The following SRGAP2 variants were observed in gnomAD, a reference collection of about 807,000 sequenced individuals.
SRGAP2 encodes SLIT-ROBO Rho GTPase activating protein 2.
In SRGAP2, 15 loss-of-function variants were observed where a neutral mutation model predicts 57.2. The ratio of observed to expected loss-of-function variants is 0.26; its 90% CI spans 0.18 to 0.40. The LOEUF is 0.40. SRGAP2 is among the 10% of genes least tolerant of loss of function. The pLI is 1.00. For missense variants in SRGAP2, 520 were observed against 669.6 expected (o/e 0.78, Z 2.47); for synonymous variants, 249 against 248.0 (o/e 1.00, Z -0.04).
At chr1:206,292,395 T>A (rs1224826896) in intron 2 of SRGAP2, among the ~76,000 whole-genome samples, 1 of 152,088 alleles carries the variant, frequency 6.6e-6, no homozygotes, top group African/African-American at 2.4e-5. Flanking sequence ...CAATGCACTG[T>A]CAGGCTGGTG....
At position 206,226,450 on chromosome 1, in the gene SRGAP2, C is replaced by T. The variant is rs1667278559; in HGVS notation, c.67+20413C>T. Reference sequence around the variant, plus strand: ...ACAGTTTGGTAGAAAAAAGACCACTCAGCTGGAGGTCAGAGGCTTGGGTAC... The same window carrying T: ...ACAGTTTGGTAGAAAAAAGACCACTTAGCTGGAGGTCAGAGGCTTGGGTAC... On this transcript the variant is annotated intron_variant, in intron 2 of 22. Coordinates refer to ENST00000573034, the MANE Select transcript of SRGAP2 (RefSeq NM_015326.5). Among the ~76,000 whole-genome samples, 5 of 151,764 alleles carry T rather than the reference C, an allele frequency of 3.3e-5. No homozygotes were observed. In the South Asian group the frequency reaches 8.3e-4, roughly 25 times the overall value.
At chr1:206,226,851 G>A (rs1318705530) in intron 2 of SRGAP2, among the ~76,000 whole-genome samples, 1 of 152,070 alleles carries the variant, frequency 6.6e-6, no homozygotes, top group Non-Finnish European at 1.5e-5. Context: ...AGTTCAGGTT[G>A]CCCTTACACA....
intron 2 of SRGAP2, among the ~76,000 whole-genome samples, chr1:206,245,377 GT>G (rs1329027056): frequency 2.6e-5 from 4 of 151,932 alleles, no homozygotes; most frequent in Admixed American, 2.6e-4. Flanking sequence ...TTTTTTGTGT[GT>G]GTTATTGTTT....
intron 2 of SRGAP2, among the ~76,000 whole-genome samples, chr1:206,238,764 G>T (rs1668032438): frequency 6.6e-6 from 1 of 152,136 alleles, no homozygotes; most frequent in African/African-American, 2.4e-5. Flanking sequence ...GCTGACCTTG[G>T]TAGGTAAAGC....
chr1:206,295,923 A>T (rs1286805013), intron 2 of SRGAP2, among the ~76,000 whole-genome samples: 3 of 150,328 alleles, frequency 2.0e-5, no homozygotes, highest in African/African-American at 7.4e-5. Flanking sequence ...TTTTTTTGAG[A>T]TGAGGTCTTG....
intron 13 of SRGAP2, among the ~76,000 whole-genome samples, chr1:206,427,452 C>T (rs182047709): frequency 4.6e-5 from 7 of 152,262 alleles, no homozygotes; most frequent in Non-Finnish European, 1.0e-4. Context: ...TGGGTCGCTG[C>T]GACCGTCCTG....
chr1:206,455,770 C>T (rs1290024942), intron 21 of SRGAP2: 1 of 152,388 alleles, frequency 6.6e-6, no homozygotes, highest in African/African-American at 2.4e-5. Flanking sequence ...CTCTGACCCC[C>T]AGCTTTCATT....
At chr1:206,301,256 C>T (rs1361795554) in intron 2 of SRGAP2, among the ~76,000 whole-genome samples, 4 of 152,120 alleles carry the variant, frequency 2.6e-5, no homozygotes, top group South Asian at 2.1e-4. Flanking sequence ...AGGATGGTCT[C>T]GATCTCCTGA....
At chr1:206,437,930 CTCTT>C (rs1283239390) in intron 15 of SRGAP2, 30 bp from the exon 16 acceptor site, 5 of 779,640 alleles carry the variant, frequency 6.4e-6, no homozygotes, top group African/African-American at 1.7e-5. Flanking sequence ...CTCTCTCACT[CTCTT>C]TCCTTTTCGT....
intron 3 of SRGAP2, among the ~76,000 whole-genome samples, chr1:206,309,464 CAAAA>C (rs199561904): frequency 1.3e-5 from 1 of 74,630 alleles, no homozygotes; most frequent in Non-Finnish European, 2.9e-5. Flanking sequence ...AAAGTAAGAG[CAAAA>C]AAAAAAAAAA....
At chr1:206,402,326 C>T (rs1553356038) in intron 8 of SRGAP2, among the ~76,000 whole-genome samples, 3 of 151,926 alleles carry the variant, frequency 2.0e-5, no homozygotes, top group Admixed American at 6.6e-5. Flanking sequence ...TTGTTTTGGA[C>T]TCTTAGCCTC....
At chr1:206,285,802 G>A (rs1670991911) in intron 2 of SRGAP2, among the ~76,000 whole-genome samples, 1 of 152,218 alleles carries the variant, frequency 6.6e-6, no homozygotes. Context: ...TGAGTAGCTG[G>A]GCTTACAGGT....
chr1:206,458,845 G>A lies in SRGAP2; in HGVS notation c.2730G>A (p.Leu910=). 1.3e-6 allele frequency: 1 copy of A among 780,704 alleles called. No individual in the cohort carries two copies. 48.4% of individuals were successfully genotyped at this position (780,704 alleles called of 1,614,324 possible). A position where few individuals can be genotyped will look rare whatever the true frequency, so the allele number is the denominator to read the frequency against. ...ACTCCATCAGCCGCCACTCATCCCT[G>A]AAGAATCGGCTGGATAGTCCACAGA... ...SLNSISRHSS[L]KNRLDSPQIR... is the part of the protein sequence containing the mutation. The change falls in exon 22 of 23, where the codon CTG becomes CTA. Residue 910 remains leucine, a synonymous_variant. Coordinates refer to ENST00000573034, the MANE Select transcript of SRGAP2 (RefSeq NM_015326.5).
chr1:206,286,329 T>A (rs2102703021), intron 2 of SRGAP2, among the ~76,000 whole-genome samples: 2 of 152,366 alleles, frequency 1.3e-5, no homozygotes, highest in Non-Finnish European at 2.9e-5. Flanking sequence ...TTTCCTTTTT[T>A]AATTTCTAAA....
intron 2 of SRGAP2, among the ~76,000 whole-genome samples, chr1:206,247,203 T>C (rs1553310213): frequency 2.0e-5 from 3 of 151,874 alleles, no homozygotes; most frequent in Non-Finnish European, 4.4e-5. Context: ...CTTCTACTAC[T>C]TCATACCTTG....
chr1:206,291,323 A>G lies in SRGAP2; in HGVS notation c.68-11958A>G, dbSNP rs1368666902. Among the ~76,000 whole-genome samples the G allele has an allele frequency of 4.1e-3, 624 of 152,280 alleles. 2 individuals carry two copies. The highest frequency in any genetic ancestry group is 0.014 in the African/African-American group (593 of 41,520). On this transcript the variant is annotated intron_variant, in intron 2 of 22. Transcript: ENST00000573034. ...GAACCTCAGTGGTCCCTCGTTGTGA[A>G]ATGGGAGGAATTGTGGTTGCCTTTT...
At chr1:206,365,890 A>G (rs1415617843) in intron 4 of SRGAP2, among the ~76,000 whole-genome samples, 10 of 150,982 alleles carry the variant, frequency 6.6e-5, no homozygotes, top group African/African-American at 2.4e-4. Flanking sequence ...GGTTCTTGGG[A>G]AAGAACTGAA....
At chr1:206,437,105 C>T (rs1318279789) in intron 15 of SRGAP2, 63 bp downstream of exon 15, 5 of 776,454 alleles carry the variant, frequency 6.4e-6, no homozygotes, top group Non-Finnish European at 1.2e-5. Flanking sequence ...ATTGGCTCCA[C>T]CCTTTCTTCT....
At chr1:206,423,849 C>T (rs1553365314) in intron 13 of SRGAP2, among the ~76,000 whole-genome samples, 1 of 151,630 alleles carries the variant, frequency 6.6e-6, no homozygotes, top group African/African-American at 2.4e-5. Flanking sequence ...ATCTTGGCTC[C>T]CTGTAACCTC....
Sources: allele counts gnomAD v4.1 joint callset (sites outside exome capture counted in the v4.1 genomes callset), GRCh38; gene constraint gnomAD v4.1.1; transcripts MANE v1.5; gene names NCBI Gene and HGNC (gene_info 2026-07-23, HGNC 2026-07-21).